Variants in STXBP5L observed in about 807,000 individuals in gnomAD.
STXBP5L encodes the protein syntaxin-binding protein 5-like.
STXBP5L carries 65 observed loss-of-function variants against 144.5 expected under a neutral mutation model. That is an observed-to-expected ratio of 0.45 (90% CI 0.37 to 0.55). STXBP5L has a LOEUF of 0.55. Among genes scored for constraint, STXBP5L ranks in the 20% least tolerant of loss-of-function variants. STXBP5L has a pLI of 0.00. For synonymous variants in STXBP5L, 505 were observed against 469.6 expected, an observed-to-expected ratio of 1.08 and a Z score of -0.97; for missense variants, 1,298 against 1,405.5, an observed-to-expected ratio of 0.92 and a Z score of 1.22.
chr3:120,911,195 G>T (rs2042000034), intron 2 of STXBP5L, among the ~76,000 whole-genome samples: 1 of 152,046 alleles, frequency 6.6e-6, no homozygotes, highest in East Asian at 1.9e-4. Context: ...GAATGGCATT[G>T]GGCTGTTGAG....
At chr3:121,286,399 TG>T (rs2051234323) in intron 19 of STXBP5L, among the ~76,000 whole-genome samples, 1 of 152,142 alleles carries the variant, frequency 6.6e-6, no homozygotes, top group Non-Finnish European at 1.5e-5. Flanking sequence ...AAACAATAAA[TG>T]GGGAAAACAT....
chr3:121,003,002 G>T (rs1260131557), intron 3 of STXBP5L, among the ~76,000 whole-genome samples: 1 of 152,136 alleles, frequency 6.6e-6, no homozygotes, highest in African/African-American at 2.4e-5. Context: ...TGTGAATAGT[G>T]CCTCAATAAA....
intron 20 of STXBP5L, among the ~76,000 whole-genome samples, chr3:121,341,307 G>T (rs2044702183): frequency 6.6e-6 from 1 of 152,116 alleles, no homozygotes; most frequent in South Asian, 2.1e-4. Flanking sequence ...TCAGAGAAAT[G>T]CAAATCGAAA....
At chr3:121,209,757 T>C (rs1028752573) in intron 10 of STXBP5L, among the ~76,000 whole-genome samples, 13 of 152,230 alleles carry the variant, frequency 8.5e-5, no homozygotes, top group African/African-American at 2.9e-4. Flanking sequence ...ACAAAGGACG[T>C]GAACTCATCC....
At chr3:121,074,027 G>A (rs1371409406) in intron 5 of STXBP5L, among the ~76,000 whole-genome samples, 1 of 152,192 alleles carries the variant, frequency 6.6e-6, no homozygotes, top group Non-Finnish European at 1.5e-5. Context: ...TTTTGTGGGT[G>A]CAGCCAACAA....
At chr3:121,352,826 A>G (rs913409653) in intron 20 of STXBP5L, among the ~76,000 whole-genome samples, 1 of 152,022 alleles carries the variant, frequency 6.6e-6, no homozygotes, top group African/African-American at 2.4e-5. Context: ...GTTTGTCATA[A>G]GTAGCTCTTA....
intron 5 of STXBP5L, among the ~76,000 whole-genome samples, chr3:121,102,367 T>C (rs906257794): frequency 6.6e-6 from 1 of 151,982 alleles, no homozygotes; most frequent in African/African-American, 2.4e-5. Flanking sequence ...CAAAGAGAGA[T>C]AGACCAATGG....
rs2047424912 is a variant in STXBP5L at position 121,424,756 on chromosome 3, T to C, written c.*5659T>C. 1 of 152,216 alleles carries C rather than the reference T, an allele frequency of 6.6e-6. No homozygotes were observed. The highest frequency in any genetic ancestry group is 2.4e-5 in the African/African-American group (1 of 41,458). The allele number at this position is 152,216 out of a possible 1,614,324, so 9.4% of individuals were successfully genotyped here. On this transcript the variant is annotated 3_prime_UTR_variant, in exon 27 of 27. Coordinates refer to ENST00000471454, the MANE Select transcript of STXBP5L (RefSeq NM_001308330.2). ...ATATCAATAAAATTGTATATGTTTG[T>C]ACATAGATGCTCTCTTATGTCATGA...
At chr3:121,150,108 A>G (rs1329189043) in intron 7 of STXBP5L, among the ~76,000 whole-genome samples, 1 of 151,810 alleles carries the variant, frequency 6.6e-6, no homozygotes, top group Non-Finnish European at 1.5e-5. Flanking sequence ...TTCTAATTTT[A>G]TTTTACTGTG....
chr3:121,394,247 CTGATTTTTATACAT>C (rs1017678313), intron 22 of STXBP5L, among the ~76,000 whole-genome samples: 4 of 152,034 alleles, frequency 2.6e-5, no homozygotes, highest in African/African-American at 9.7e-5. Context: ...AAAAGTGGTA[CTGATTTTTATACAT>C]TGATTTTTAT....
chr3:121,418,565 G>A lies in STXBP5L; in HGVS notation c.3447+8G>A. The stretch of plus-strand genomic sequence containing the variant: ...TCCAAACATGCACATGAGGTAAACT[G>A]CCTAAGTAAATACAGACATCTTCAT... On this transcript the variant is annotated splice_region_variant and intron_variant, in intron 26 of 26. Transcript: ENST00000471454. The A allele has an allele frequency of 6.2e-7, 1 of 1,613,276 alleles. No homozygotes were observed.
chr3:120,994,779 T>C (rs1943206668), intron 3 of STXBP5L, among the ~76,000 whole-genome samples: 1 of 152,124 alleles, frequency 6.6e-6, no homozygotes, highest in Non-Finnish European at 1.5e-5. Flanking sequence ...TTAATCAGGG[T>C]ATTTCTGGCC....
chr3:121,121,761 T>C, intron 7 of STXBP5L, 57 bp downstream of exon 7: 1 of 1,297,976 alleles, frequency 7.7e-7, no homozygotes. Flanking sequence ...TGAAAAAAGG[T>C]GTTTCTTACT....
chr3:120,932,181 C>T (rs1709975579), intron 2 of STXBP5L, among the ~76,000 whole-genome samples: 1 of 152,010 alleles, frequency 6.6e-6, no homozygotes, highest in African/African-American at 2.4e-5. Context: ...ATGGGTCCAC[C>T]CATAATAAGT....
intron 7 of STXBP5L, among the ~76,000 whole-genome samples, chr3:121,123,296 T>C (rs1012761079): frequency 1.3e-5 from 2 of 151,610 alleles, no homozygotes; most frequent in African/African-American, 2.4e-5. Context: ...AAAACATATA[T>C]TCGTTTTTGG....
At chr3:121,104,774 A>C (rs192487717) in intron 5 of STXBP5L, among the ~76,000 whole-genome samples, 1 of 152,194 alleles carries the variant, frequency 6.6e-6, no homozygotes, top group South Asian at 2.1e-4. Context: ...TAAATCTAAC[A>C]CCTGAAACCA....
At chr3:121,316,466 A>G (rs1385074842) in intron 19 of STXBP5L, among the ~76,000 whole-genome samples, 4 of 152,188 alleles carry the variant, frequency 2.6e-5, no homozygotes, top group African/African-American at 4.8e-5. Flanking sequence ...CTTACTTACT[A>G]TCTTATAGTG....
intron 24 of STXBP5L, among the ~76,000 whole-genome samples, 186 bp from the exon 25 acceptor site, chr3:121,415,671 T>C (rs1238404132): frequency 6.6e-6 from 1 of 152,126 alleles, no homozygotes; most frequent in Non-Finnish European, 1.5e-5. Context: ...TGTTTGTTAC[T>C]ATAGAAGGGG....
At chr3:121,016,385 T>C (rs886867270) in intron 3 of STXBP5L, among the ~76,000 whole-genome samples, 6 of 152,200 alleles carry the variant, frequency 3.9e-5, no homozygotes, top group Non-Finnish European at 7.3e-5. Flanking sequence ...ACATGGAAGA[T>C]GACTAATGAA....
Sources: allele counts gnomAD v4.1 joint callset (sites outside exome capture counted in the v4.1 genomes callset), GRCh38; gene constraint gnomAD v4.1.1; transcripts MANE v1.5; gene names NCBI Gene and HGNC (gene_info 2026-07-23, HGNC 2026-07-21).